Variants in GRIP2 observed in about 807,000 individuals in gnomAD.
The protein encoded by GRIP2 is glutamate receptor interacting protein 2, also known as glutamate receptor-interacting protein 2.
GRIP2 carries 58 observed loss-of-function variants against 108.3 expected under a neutral mutation model. That is an observed-to-expected ratio of 0.54 (90% CI 0.43 to 0.67). The LOEUF is 0.67. Ranked by LOEUF, GRIP2 falls within the 30% of genes least tolerant of loss-of-function variation. The pLI is 0.00. For synonymous variants in GRIP2, 586 were observed against 598.2 expected, an observed-to-expected ratio of 0.98 and a Z score of 0.30; for missense variants, 1,278 against 1,430.6, an observed-to-expected ratio of 0.89 and a Z score of 1.72.
chr3:14,586,553 G>A, the GRIP2 span, among the ~76,000 whole-genome samples: 1 of 152,198 alleles, frequency 6.6e-6, no homozygotes, highest in African/African-American at 2.4e-5. Flanking sequence ...TGGGGTTAGG[G>A]GCACTTCCCA....
chr3:14,504,512 G>C (rs142830175), intron 20 of GRIP2, among the ~76,000 whole-genome samples: 2 of 151,904 alleles, frequency 1.3e-5, no homozygotes, highest in Admixed American at 1.3e-4. Context: ...GGGTTCCACC[G>C]TGTCAGCCAG....
At chr3:14,567,228 G>A in the GRIP2 span, among the ~76,000 whole-genome samples, 4 of 152,202 alleles carry the variant, frequency 2.6e-5, no homozygotes, top group African/African-American at 7.2e-5. Flanking sequence ...AGGACTCTTG[G>A]TTCCAAACAC....
intron 21 of GRIP2, among the ~76,000 whole-genome samples, 196 bp from the exon 22 acceptor site, chr3:14,496,756 C>T (rs1297169234): frequency 6.6e-6 from 1 of 152,244 alleles, no homozygotes; most frequent in Non-Finnish European, 1.5e-5. Flanking sequence ...ACAATGAGAA[C>T]AATAATCACT....
intron 22 of GRIP2, among the ~76,000 whole-genome samples, chr3:14,496,025 G>A (rs1440842318): frequency 4.6e-5 from 7 of 151,960 alleles, no homozygotes; most frequent in Non-Finnish European, 8.8e-5. Context: ...CATGCCTGTG[G>A]TCCCAGCTTC....
the GRIP2 span, among the ~76,000 whole-genome samples, chr3:14,571,803 T>C: frequency 6.6e-6 from 1 of 152,074 alleles, no homozygotes; most frequent in African/African-American, 2.4e-5. Flanking sequence ...TTTTTAAAGC[T>C]CACCAGGTGG....
At chr3:14,586,726 A>G in the GRIP2 span, among the ~76,000 whole-genome samples, 1 of 152,246 alleles carries the variant, frequency 6.6e-6, no homozygotes, top group Non-Finnish European at 1.5e-5. Flanking sequence ...GACTGATGGC[A>G]GCCCCAGGAA....
intron 1 of GRIP2, among the ~76,000 whole-genome samples, chr3:14,554,665 G>A (rs554272043): frequency 3.5e-5 from 5 of 141,088 alleles, no homozygotes; most frequent in South Asian, 5.1e-4. Flanking sequence ...CCCCATCCCC[G>A]CCACCTCCCT....
the GRIP2 span, among the ~76,000 whole-genome samples, chr3:14,576,963 T>C: frequency 1.3e-5 from 2 of 152,220 alleles, no homozygotes; most frequent in Admixed American, 1.3e-4. Flanking sequence ...CATGAAGCCT[T>C]TCCTAATTAA....
chr3:14,498,950 A>G (rs1251279309), intron 21 of GRIP2, among the ~76,000 whole-genome samples: 1 of 152,222 alleles, frequency 6.6e-6, no homozygotes, highest in African/African-American at 2.4e-5. Flanking sequence ...GTTCAGGGAA[A>G]AAGACAGTGC....
intron 1 of GRIP2, among the ~76,000 whole-genome samples, chr3:14,534,291 C>T (rs1694781334): frequency 6.6e-6 from 1 of 152,164 alleles, no homozygotes; most frequent in Admixed American, 6.5e-5. Flanking sequence ...CCATGGCTGA[C>T]TCCAGCTGGC....
chr3:14,559,397 G>A (rs1695284841), upstream of GRIP2, among the ~76,000 whole-genome samples: 1 of 151,038 alleles, frequency 6.6e-6, no homozygotes, highest in African/African-American at 2.4e-5. Flanking sequence ...TGGTAAATTA[G>A]GAGTGCAGGT....
chr3:14,543,470 A>G (rs1575031882), upstream of GRIP2, among the ~76,000 whole-genome samples: 1 of 152,370 alleles, frequency 6.6e-6, no homozygotes, highest in Middle Eastern at 3.4e-3. Context: ...AGGTGAGAGA[A>G]GGATTTCCGT....
chr3:14,573,971 A>G, the GRIP2 span: 1 of 1,080,084 alleles, frequency 9.3e-7, no homozygotes, highest in South Asian at 1.3e-5. Flanking sequence ...GCACCTGCGG[A>G]TCCTGGCATA....
rs368530001 is a variant in GRIP2 at position 14,490,881 on chromosome 3, C to T, written c.*2784G>A. 60 of 152,380 alleles carry T rather than the reference C, an allele frequency of 3.9e-4. No homozygotes were observed. The highest frequency in any genetic ancestry group is 1.4e-3 in the African/African-American group (57 of 41,586). 9.4% of individuals were successfully genotyped at this position (152,380 alleles called of 1,614,324 possible). ...CCTAATATTGTGAGCTAAAGCCCCT[C>T]ACCCTGGTCCCTCTATCCCGTTACT... On this transcript the variant is annotated 3_prime_UTR_variant, in exon 24 of 24. Coordinates refer to ENST00000621039, the MANE Select transcript of GRIP2 (RefSeq NM_001080423.4).
intron 5 of GRIP2, 31 bp from the exon 6 acceptor site, chr3:14,523,106 A>T: frequency 1.3e-6 from 2 of 1,540,928 alleles, no homozygotes; most frequent in Non-Finnish European, 1.8e-6. Flanking sequence ...AGCAGGAATC[A>T]TCCACCCACC....
intron 1 of GRIP2, among the ~76,000 whole-genome samples, chr3:14,549,677 C>G (rs185105331): frequency 4.5e-4 from 69 of 152,284 alleles, no homozygotes; most frequent in African/African-American, 1.6e-3. Flanking sequence ...TCCCGGCTGG[C>G]CCCCAGCTGG....
At chr3:14,558,296 T>C (rs1695266810), upstream of GRIP2, among the ~76,000 whole-genome samples, 1 of 152,188 alleles carries the variant, frequency 6.6e-6, no homozygotes, top group Non-Finnish European at 1.5e-5. Context: ...GCACCCCTTA[T>C]AAAACCCCTA....
At position 14,525,421 on chromosome 3, in the gene GRIP2, C is replaced by CTCCTTTGGAGT; in HGVS notation, c.257+15_257+16insACTCCAAAGGA. 6.2e-7 allele frequency: 1 copy of CTCCTTTGGAGT among 1,609,978 alleles called. No homozygotes were observed. Among genetic ancestry groups the CTCCTTTGGAGT allele is most frequent in the South Asian group, 1.1e-5 (1 of 90,894 alleles). On this transcript the variant is annotated intron_variant, in intron 3 of 23. Transcript: ENST00000621039. ...CTGCACCCCCCTCCTGCGGCCGTGC[C>CTCCTTTGGAGT]AAGCCCACTTCTCACCTGGCTGCAA...
the GRIP2 span, among the ~76,000 whole-genome samples, chr3:14,594,095 C>T: frequency 6.6e-6 from 1 of 152,252 alleles, no homozygotes; most frequent in Non-Finnish European, 1.5e-5. Flanking sequence ...TGCCTGTTCT[C>T]TGTGCCTGGG....
Sources: gnomAD v4.1 joint callset for allele counts (sites outside exome capture counted in the v4.1 genomes callset) on GRCh38, gnomAD v4.1.1 for gene constraint, MANE v1.5 for transcripts, NCBI Gene and HGNC (gene_info 2026-07-23, HGNC 2026-07-21) for gene names.